DCC: variants seen among roughly 807,000 people sequenced by gnomAD.
DCC encodes the protein DCC netrin 1 receptor.
A neutral mutation model predicts 172.5 loss-of-function variants in DCC; 58 were observed. The ratio of observed to expected loss-of-function variants is 0.34; its 90% CI spans 0.27 to 0.42. The LOEUF (loss-of-function observed/expected upper bound fraction) is 0.42, where lower values mean the gene tolerates loss of function less well. Ranked by LOEUF, DCC falls within the 10% of genes least tolerant of loss-of-function variation. The pLI is 1.00. For synonymous variants in DCC, 709 were observed against 644.5 expected (o/e 1.10, Z -1.52); for missense variants, 1,740 against 1,791.0 (o/e 0.97, Z 0.51).
chr18:52,471,781 C>T (rs1292165129), intron 1 of DCC, among the ~76,000 whole-genome samples: 1 of 152,160 alleles, frequency 6.6e-6, no homozygotes, highest in Non-Finnish European at 1.5e-5. Flanking sequence ...ATGGACAAGA[C>T]TAATAAAGAA....
intron 27 of DCC, among the ~76,000 whole-genome samples, chr18:53,505,562 C>T (rs2292042): frequency 0.3 from 45,550 of 151,962 alleles, 8,626 homozygotes; most frequent in Non-Finnish European, 0.44. Context: ...AAGAAAATAT[C>T]GCATCAAGAA....
intron 1 of DCC, among the ~76,000 whole-genome samples, chr18:52,458,884 T>C (rs1407362285): frequency 6.6e-6 from 1 of 152,160 alleles, no homozygotes; most frequent in African/African-American, 2.4e-5. Flanking sequence ...AATAAAAACA[T>C]TTAATTGTCT....
intron 15 of DCC, among the ~76,000 whole-genome samples, chr18:53,342,123 A>G (rs1448804152): frequency 6.6e-6 from 1 of 152,072 alleles, no homozygotes; most frequent in African/African-American, 2.4e-5. Context: ...ATTGACTAAT[A>G]AACCCCTTCA....
At chr18:53,525,853 T>G (rs761681496) in intron 27 of DCC, among the ~76,000 whole-genome samples, 63 of 152,128 alleles carry the variant, frequency 4.1e-4, no homozygotes, top group Non-Finnish European at 8.2e-4. Context: ...GTGTACTAGC[T>G]GATTCAATAA....
intron 12 of DCC, among the ~76,000 whole-genome samples, chr18:53,262,943 C>T (rs767071714): frequency 6.6e-6 from 1 of 152,054 alleles, no homozygotes; most frequent in Non-Finnish European, 1.5e-5. Flanking sequence ...TTGTAAACAA[C>T]TTTAAGAATA....
At chr18:52,455,445 A>G (rs1323447896) in intron 1 of DCC, among the ~76,000 whole-genome samples, 2 of 152,134 alleles carry the variant, frequency 1.3e-5, no homozygotes, top group Non-Finnish European at 2.9e-5. Context: ...CTTTGTCCCA[A>G]CCAGATCTGA....
chr18:53,427,049 G>T (rs1367800964), intron 21 of DCC, among the ~76,000 whole-genome samples: 1 of 152,070 alleles, frequency 6.6e-6, no homozygotes, highest in Non-Finnish European at 1.5e-5. Flanking sequence ...ATAAGCTTGT[G>T]AACCACGCAG....
At chr18:52,345,294 G>A (rs17754011) in intron 1 of DCC, among the ~76,000 whole-genome samples, 27,662 of 152,068 alleles carry the variant, frequency 0.18, 2,584 homozygotes, top group South Asian at 0.25. Context: ...TTCTGGAAAA[G>A]TACTGTACTC....
intron 13 of DCC, among the ~76,000 whole-genome samples, chr18:53,308,183 C>A (rs1052672524): frequency 6.6e-6 from 1 of 151,342 alleles, no homozygotes; most frequent in Non-Finnish European, 1.5e-5. Context: ...AACTCAGACA[C>A]AGTTGTATCT....
At chr18:52,881,912 C>T (rs1343603176) in intron 2 of DCC, among the ~76,000 whole-genome samples, 3 of 151,978 alleles carry the variant, frequency 2.0e-5, no homozygotes, top group African/African-American at 7.2e-5. Flanking sequence ...TTTAAAAATA[C>T]TGATTCTTCC....
At chr18:52,562,862 T>G (rs2033070153) in intron 1 of DCC, among the ~76,000 whole-genome samples, 1 of 152,250 alleles carries the variant, frequency 6.6e-6, no homozygotes, top group Admixed American at 6.5e-5. Flanking sequence ...ACTCCTGGGC[T>G]TAAGTGATCC....
chr18:53,235,852 C>G (rs1302396282), intron 12 of DCC, among the ~76,000 whole-genome samples: 1 of 152,078 alleles, frequency 6.6e-6, no homozygotes, highest in African/African-American at 2.4e-5. Flanking sequence ...CCAAGCACTT[C>G]AAACAAATGG....
chr18:53,357,299 G>T (rs146712807), intron 15 of DCC, among the ~76,000 whole-genome samples: 3 of 152,030 alleles, frequency 2.0e-5, no homozygotes, highest in Non-Finnish European at 4.4e-5. Context: ...TTAGAAATAG[G>T]TCTTTTATCC....
At chr18:52,426,300 T>TA (rs1454027047) in intron 1 of DCC, among the ~76,000 whole-genome samples, 1 of 150,790 alleles carries the variant, frequency 6.6e-6, no homozygotes, top group Non-Finnish European at 1.5e-5. Context: ...GCCAGAATTT[T>TA]TTTTTTTTTT....
intron 1 of DCC, among the ~76,000 whole-genome samples, chr18:52,484,038 A>G (rs532018437): frequency 3.7e-4 from 57 of 152,204 alleles, no homozygotes; most frequent in African/African-American, 1.3e-3. Flanking sequence ...CTCTGGGAAA[A>G]AATAATATTG....
At chr18:53,170,035 G>A (rs756606130) in intron 8 of DCC, among the ~76,000 whole-genome samples, 60 of 152,022 alleles carry the variant, frequency 3.9e-4, no homozygotes, top group Admixed American at 5.2e-4. Context: ...AGCCTGGAAA[G>A]GGTGATTAAA....
intron 1 of DCC, among the ~76,000 whole-genome samples, chr18:52,506,848 G>A (rs1411032940): frequency 6.6e-6 from 1 of 152,066 alleles, no homozygotes; most frequent in Middle Eastern, 3.2e-3. Context: ...TTTTAGCAAT[G>A]TAGTATATGG....
At chr18:53,359,775 G>A (rs557885259) in intron 15 of DCC, among the ~76,000 whole-genome samples, 1 of 152,182 alleles carries the variant, frequency 6.6e-6, no homozygotes, top group East Asian at 1.9e-4. Context: ...ATTCCTCAAG[G>A]AGAAGCCCCT....
At chr18:53,175,114 C>G (rs2055071141) in intron 8 of DCC, among the ~76,000 whole-genome samples, 1 of 152,022 alleles carries the variant, frequency 6.6e-6, no homozygotes, top group Non-Finnish European at 1.5e-5. Flanking sequence ...AAGCCTTTGA[C>G]AAAATTCAAG....
Sources: gnomAD v4.1 joint callset for allele counts (sites outside exome capture counted in the v4.1 genomes callset) on GRCh38, gnomAD v4.1.1 for gene constraint, MANE v1.5 for transcripts, NCBI Gene and HGNC (gene_info 2026-07-23, HGNC 2026-07-21) for gene names.